REDIC1: variants seen among roughly 807,000 people sequenced by gnomAD.
The protein encoded by REDIC1 is regulator of DNA class I crossover intermediates 1, also known as HEI10 Interacting Protein 1.
At chr12:39,646,927 A>G in the REDIC1 span, 2 of 1,318,370 alleles carry the variant, frequency 1.5e-6, no homozygotes, top group Non-Finnish European at 2.1e-6. Flanking sequence ...TATTTCAGCA[A>G]TTGTGATATG....
At chr12:39,673,131 GCCTA>G in the REDIC1 span, among the ~76,000 whole-genome samples, 1 of 152,058 alleles carries the variant, frequency 6.6e-6, no homozygotes, top group Non-Finnish European at 1.5e-5. Context: ...TAGGCCATCT[GCCTA>G]GCCTCCCTCT....
At chr12:39,826,883 G>GTTTTTTTTTTTTTT in the REDIC1 span, among the ~76,000 whole-genome samples, 1 of 43,180 alleles carries the variant, frequency 2.3e-5, no homozygotes. Flanking sequence ...GCAATGCAAG[G>GTTTTTTTTTTTTTT]TTCTTTATGT....
At chr12:39,785,091 A>G in the REDIC1 span, among the ~76,000 whole-genome samples, 10 of 152,248 alleles carry the variant, frequency 6.6e-5, no homozygotes, top group African/African-American at 2.2e-4. Context: ...AGAAATTTGC[A>G]TAAGTAGCAA....
At chr12:39,779,151 GT>G in the REDIC1 span, among the ~76,000 whole-genome samples, 2 of 152,172 alleles carry the variant, frequency 1.3e-5, no homozygotes, top group African/African-American at 2.4e-5. Context: ...TATGGGCGGG[GT>G]GCAACTGAAG....
the REDIC1 span, among the ~76,000 whole-genome samples, chr12:39,680,182 A>C: frequency 2.0e-5 from 3 of 152,228 alleles, no homozygotes; most frequent in African/African-American, 7.2e-5. Flanking sequence ...TAATCAGCAA[A>C]GTAAACAGAC....
chr12:39,771,798 A>G, the REDIC1 span, among the ~76,000 whole-genome samples: 1 of 152,100 alleles, frequency 6.6e-6, no homozygotes, highest in African/African-American at 2.4e-5. Flanking sequence ...CCAGCAGTCT[A>G]CAAAATGGCC....
the REDIC1 span, among the ~76,000 whole-genome samples, chr12:39,722,402 T>C: frequency 6.6e-6 from 1 of 152,132 alleles, no homozygotes; most frequent in Non-Finnish European, 1.5e-5. Flanking sequence ...TTGATAGTTT[T>C]TCAAAAGGCC....
the REDIC1 span, among the ~76,000 whole-genome samples, chr12:39,664,922 T>C: frequency 2.0e-5 from 3 of 152,352 alleles, no homozygotes; most frequent in Admixed American, 2.0e-4. Context: ...TTGATGCGGT[T>C]GTTTTTTTCT....
chr12:39,776,334 G>A, the REDIC1 span, among the ~76,000 whole-genome samples: 42 of 152,238 alleles, frequency 2.8e-4, no homozygotes, highest in African/African-American at 7.0e-4. Flanking sequence ...GGTCCCCCTC[G>A]CCACCAAGCA....
chr12:39,692,191 A>AT, the REDIC1 span: 2 of 1,265,142 alleles, frequency 1.6e-6, no homozygotes, highest in Non-Finnish European at 1.1e-6. Context: ...ATTTGAAGTG[A>AT]TTTTTTAGAT....
At chr12:39,699,889 G>A in the REDIC1 span, among the ~76,000 whole-genome samples, 3 of 152,188 alleles carry the variant, frequency 2.0e-5, no homozygotes, top group African/African-American at 7.2e-5. Context: ...GGTCCTGTCT[G>A]TTAGAAGGAA....
chr12:39,877,746 C>T, the REDIC1 span, among the ~76,000 whole-genome samples: 1 of 152,198 alleles, frequency 6.6e-6, no homozygotes, highest in Non-Finnish European at 1.5e-5. Context: ...TGGGTTACCA[C>T]TATATTTACA....
the REDIC1 span, among the ~76,000 whole-genome samples, chr12:39,653,785 TATG>T: frequency 1.2e-4 from 19 of 152,218 alleles, no homozygotes; most frequent in Admixed American, 7.9e-4. Flanking sequence ...CACCAGTAAG[TATG>T]ATGTTAGCTA....
the REDIC1 span, among the ~76,000 whole-genome samples, chr12:39,711,686 C>T: frequency 9.9e-6 from 1 of 101,442 alleles, no homozygotes; most frequent in Non-Finnish European, 2.1e-5. Context: ...TGTGTATGCA[C>T]ATGTATGTGT....
At chr12:39,835,793 T>A in the REDIC1 span, 1 of 152,202 alleles carries the variant, frequency 6.6e-6, no homozygotes, top group Admixed American at 6.6e-5. Context: ...TTCTTGTAGG[T>A]TCATATGCTA....
At chr12:39,879,993 T>C in the REDIC1 span, among the ~76,000 whole-genome samples, 22 of 152,156 alleles carry the variant, frequency 1.4e-4, no homozygotes, top group African/African-American at 5.3e-4. Flanking sequence ...TTAATGATAG[T>C]GAGTTCATAC....
At chr12:39,747,801 C>A in the REDIC1 span, among the ~76,000 whole-genome samples, 1 of 152,130 alleles carries the variant, frequency 6.6e-6, no homozygotes, top group South Asian at 2.1e-4. Context: ...GAATTTTCAA[C>A]CCAGAATTTC....
the REDIC1 span, chr12:39,647,901 T>C: frequency 6.2e-7 from 1 of 1,607,476 alleles, no homozygotes; most frequent in Non-Finnish European, 8.5e-7. Flanking sequence ...AACAGACATA[T>C]TTCAAAACTA....
At chr12:39,643,820 A>T in the REDIC1 span, 1 of 1,556,510 alleles carries the variant, frequency 6.4e-7, no homozygotes, top group Non-Finnish European at 8.8e-7. Flanking sequence ...AAATGAAATC[A>T]CTGGGAGTTT....
Sources: allele counts gnomAD v4.1 joint callset (sites outside exome capture counted in the v4.1 genomes callset), GRCh38; gene constraint gnomAD v4.1.1; transcripts MANE v1.5; gene names NCBI Gene and HGNC (gene_info 2026-07-23, HGNC 2026-07-21).